The following RALGPS2 variants were observed in gnomAD, a reference collection of about 807,000 sequenced individuals.
RALGPS2 encodes Ral GEF with PH domain and SH3 binding motif 2.
Under a neutral mutation model 86.8 loss-of-function variants are expected in RALGPS2, and 43 were observed. The observed-to-expected ratio is 0.50, with a 90% CI of 0.39 to 0.64. The LOEUF (loss-of-function observed/expected upper bound fraction) is 0.64, where lower values mean the gene tolerates loss of function less well. Among genes scored for constraint, RALGPS2 ranks in the 30% least tolerant of loss-of-function variants. The pLI, the probability that RALGPS2 is intolerant of heterozygous loss-of-function variation, is 0.00. For missense variants in RALGPS2, 536 were observed against 694.6 expected (o/e 0.77, Z 2.57); for synonymous variants, 243 against 231.3 (o/e 1.05, Z -0.46).
In RALGPS2 at chr1:178,917,490, C is replaced by G. The variant is rs1372654700; in HGVS notation, c.*1131C>G. ...TGTATATATTTTGTTATAAGACATA[C>G]AAAATAATTTTAAGAGGGATAAAGG... On this transcript the variant is annotated 3_prime_UTR_variant, in exon 20 of 20. Coordinates refer to ENST00000367635, the MANE Select transcript of RALGPS2 (RefSeq NM_152663.5). 2 of 151,832 alleles carry G rather than the reference C, an allele frequency of 1.3e-5. No individual in the cohort carries two copies. Among genetic ancestry groups the G allele is most frequent in the African/African-American group, 4.8e-5 (2 of 41,332 alleles). The allele number at this position is 151,832 out of a possible 1,614,324, so 9.4% of individuals were successfully genotyped here.
chr1:178,846,700 G>A (rs1165181280), intron 8 of RALGPS2, among the ~76,000 whole-genome samples: 1 of 152,170 alleles, frequency 6.6e-6, no homozygotes, highest in African/African-American at 2.4e-5. Flanking sequence ...AATAAGAACA[G>A]CAGCTATACA....
At chr1:178,873,940 G>A (rs981516708) in intron 8 of RALGPS2, among the ~76,000 whole-genome samples, 1 of 151,776 alleles carries the variant, frequency 6.6e-6, no homozygotes, top group Admixed American at 6.6e-5. Flanking sequence ...GAGTGCAGTG[G>A]TACGATCTCG....
rs191294846 is a variant in RALGPS2, at chr1:178,915,818, A to C, written c.1723-512A>C. On this transcript the variant is annotated intron_variant, in intron 19 of 19. Transcript: ENST00000367635. ...TTTGAGGATTTGTTTTAACATAGTGAAACTCTAATAAGGAATTTTGTTTTT... is the reference window on the plus strand; with the variant it reads ...TTTGAGGATTTGTTTTAACATAGTGCAACTCTAATAAGGAATTTTGTTTTT... Among the ~76,000 whole-genome samples the C allele has an allele frequency of 1.3e-3, 192 of 152,360 alleles. 1 individual carries two copies. Among genetic ancestry groups the C allele is most frequent in the African/African-American group, 4.2e-3 (176 of 41,580 alleles).
At chr1:178,739,845 A>G (rs1650920805) in intron 1 of RALGPS2, among the ~76,000 whole-genome samples, 1 of 152,198 alleles carries the variant, frequency 6.6e-6, no homozygotes, top group Admixed American at 6.5e-5. Context: ...TTGTTTATCT[A>G]AACAGTTTGG....
At chr1:178,772,994 G>C (rs184359764) in intron 1 of RALGPS2, among the ~76,000 whole-genome samples, 1 of 152,110 alleles carries the variant, frequency 6.6e-6, no homozygotes, top group South Asian at 2.1e-4. Context: ...ATGGAGACGG[G>C]GTTTCACCAT....
intron 1 of RALGPS2, among the ~76,000 whole-genome samples, chr1:178,771,733 G>C (rs936811001): frequency 2.0e-5 from 3 of 152,110 alleles, no homozygotes; most frequent in Admixed American, 6.5e-5. Context: ...ACATTTTAGT[G>C]TATGTTGGTT....
intron 8 of RALGPS2, among the ~76,000 whole-genome samples, chr1:178,866,075 G>A (rs189405010): frequency 5.3e-5 from 8 of 152,174 alleles, no homozygotes; most frequent in African/African-American, 1.9e-4. Flanking sequence ...AGCAGATTTT[G>A]GTCAGTGTCT....
intron 7 of RALGPS2, among the ~76,000 whole-genome samples, chr1:178,825,488 A>T (rs891123438): frequency 6.6e-6 from 1 of 152,180 alleles, no homozygotes; most frequent in Non-Finnish European, 1.5e-5. Context: ...TCCAGAAACT[A>T]AGAAACCAGA....
At chr1:178,863,199 A>G (rs146453351) in intron 8 of RALGPS2, among the ~76,000 whole-genome samples, 2 of 152,166 alleles carry the variant, frequency 1.3e-5, no homozygotes, top group East Asian at 1.9e-4. Context: ...CATGCACACA[A>G]GAGACCAAAA....
chr1:178,743,793 CAAG>C (rs1651161091), intron 1 of RALGPS2, among the ~76,000 whole-genome samples: 1 of 152,012 alleles, frequency 6.6e-6, no homozygotes, highest in Admixed American at 6.6e-5. Context: ...AAACTTCACT[CAAG>C]AAGAATATAC....
chr1:178,829,624 A>G (rs1289698472), intron 7 of RALGPS2, among the ~76,000 whole-genome samples: 1 of 152,180 alleles, frequency 6.6e-6, no homozygotes, highest in South Asian at 2.1e-4. Flanking sequence ...TGGAGAGAGA[A>G]TAAGTTCTGG....
At chr1:178,914,862 A>T (rs1660751157) in intron 19 of RALGPS2, among the ~76,000 whole-genome samples, 1 of 152,232 alleles carries the variant, frequency 6.6e-6, no homozygotes, top group Non-Finnish European at 1.5e-5. Context: ...TGAAAGAAAC[A>T]GATCAGGCTT....
chr1:178,788,383 T>C (rs569456544), intron 4 of RALGPS2, among the ~76,000 whole-genome samples: 1 of 152,288 alleles, frequency 6.6e-6, no homozygotes, highest in Admixed American at 6.5e-5. Flanking sequence ...CCTGCCCTCA[T>C]GGATCTGATA....
In RALGPS2 at chr1:178,811,388, A is replaced by G. The variant is rs752768831; in HGVS notation, c.371A>G (p.Tyr124Cys). ...ATTAGAGCAGAAGTTTTGAGCCACT[A>G]TATTAAAACTGCTAAGGTAAGAAAA... is the stretch of plus-strand genomic sequence containing the variant. ...LKIRAEVLSHYIKTAKKLYEL... is the reference protein window; with the variant it reads ...LKIRAEVLSHCIKTAKKLYEL... The change falls in exon 6 of 20, where the codon TAT (tyrosine) becomes TGT (cysteine). Residue 124 changes from tyrosine to cysteine, a missense_variant. Around this residue, in one of 3 missense-constraint regions of RALGPS2, gnomAD observed 184 missense variants for 296.7 expected, o/e 0.62. Coordinates refer to ENST00000367635, the MANE Select transcript of RALGPS2 (RefSeq NM_152663.5). 30 of 1,545,716 alleles carry G rather than the reference A, an allele frequency of 1.9e-5. No individual in the cohort carries two copies. The East Asian group carries it at 5.7e-4, about 30-fold the overall frequency.
At chr1:178,806,177 C>T (rs1309967048) in intron 4 of RALGPS2, among the ~76,000 whole-genome samples, 1 of 152,010 alleles carries the variant, frequency 6.6e-6, no homozygotes. Flanking sequence ...AAAGCACATA[C>T]TCTACTAGTT....
chr1:178,776,699 C>G lies in RALGPS2; in HGVS notation c.-66C>G. The G allele has an allele frequency of 8.2e-7, 1 of 1,217,066 alleles. No homozygotes were observed. Among genetic ancestry groups the G allele is most frequent in the East Asian group, 2.5e-5 (1 of 39,604 alleles). 75.4% of individuals were successfully genotyped at this position (1,217,066 alleles called of 1,614,324 possible). On this transcript the variant is annotated 5_prime_UTR_variant, in exon 2 of 20. Transcript: ENST00000367635. ...TTTTACAGGAATAATGTATTTGTGG[C>G]CTTGGACATGAGGCAGTCAGTCCTC...
Position 178,867,918 on chromosome 1 carries a change from AT to A in RALGPS2, c.608-9575del, listed in dbSNP as rs1475494587. On this transcript the variant is annotated intron_variant, in intron 8 of 19. Coordinates refer to ENST00000367635, the MANE Select transcript of RALGPS2 (RefSeq NM_152663.5). ...TCTAAAACCATGTTCCTTTTTTGGT[AT>A]TTTTCAATTGAATAGTGTCTTCAAA... 2.6e-5 allele frequency among the ~76,000 whole-genome samples: 4 copies of A among 152,020 alleles called. No individual in the cohort carries two copies. The East Asian group carries it at 5.8e-4, about 22-fold the overall frequency.
chr1:178,885,265 TA>T lies in RALGPS2; in HGVS notation c.1040+55del. ...TTTTTAAGTCTTTTGTAATTGGATT[TA>T]TTGTCGATTTATTAGTTCAGTAGAA... On this transcript the variant is annotated intron_variant, in intron 12 of 19. Coordinates refer to ENST00000367635, the MANE Select transcript of RALGPS2 (RefSeq NM_152663.5). 2.0e-6 allele frequency: 3 copies of T among 1,530,740 alleles called. No individual in the cohort carries two copies. In the East Asian group the frequency reaches 6.9e-5, roughly 35 times the overall value. 94.8% of individuals were successfully genotyped at this position (1,530,740 alleles called of 1,614,324 possible). A position where few individuals can be genotyped will look rare whatever the true frequency, so the allele number is the denominator to read the frequency against.
At chr1:178,854,301 A>T (rs1015561117) in intron 8 of RALGPS2, among the ~76,000 whole-genome samples, 1 of 152,182 alleles carries the variant, frequency 6.6e-6, no homozygotes, top group Non-Finnish European at 1.5e-5. Flanking sequence ...TACCCAAGTT[A>T]CAGTTTTGGA....
Sources: allele counts gnomAD v4.1 joint callset (sites outside exome capture counted in the v4.1 genomes callset), GRCh38; gene constraint gnomAD v4.1.1; regional missense constraint gnomAD v4.1.1; transcripts MANE v1.5; gene names NCBI Gene and HGNC (gene_info 2026-07-23, HGNC 2026-07-21).